Variants in QTMAN observed in about 807,000 individuals in gnomAD.
QTMAN encodes the protein tRNA-queuosine alpha-mannosyltransferase.
At chr2:144,257,152 A>G in the QTMAN span, among the ~76,000 whole-genome samples, 1 of 151,802 alleles carries the variant, frequency 6.6e-6, no homozygotes, top group Non-Finnish European at 1.5e-5. Flanking sequence ...ACACAGCCAT[A>G]ACCACAAACC....
chr2:144,215,797 G>A, the QTMAN span, among the ~76,000 whole-genome samples: 7 of 152,072 alleles, frequency 4.6e-5, no homozygotes, highest in Admixed American at 3.3e-4. Flanking sequence ...TTAAAGTATC[G>A]CATTGCCCTT....
chr2:144,071,359 T>C, the QTMAN span, among the ~76,000 whole-genome samples: 1 of 152,158 alleles, frequency 6.6e-6, no homozygotes, highest in Non-Finnish European at 1.5e-5. Context: ...GGTTTTTTTA[T>C]TGTGTAAATT....
the QTMAN span, among the ~76,000 whole-genome samples, chr2:144,088,500 C>G: frequency 2.0e-5 from 3 of 151,926 alleles, no homozygotes; most frequent in Admixed American, 6.6e-5. Context: ...TAAAAAAGAG[C>G]CTAAATAGCC....
chr2:143,979,621 T>C, the QTMAN span, among the ~76,000 whole-genome samples: 3 of 152,334 alleles, frequency 2.0e-5, no homozygotes, highest in East Asian at 5.8e-4. Flanking sequence ...AGCATATTTT[T>C]ACAATACCTT....
At chr2:144,025,641 C>T in the QTMAN span, among the ~76,000 whole-genome samples, 34 of 152,114 alleles carry the variant, frequency 2.2e-4, no homozygotes, top group South Asian at 4.1e-4. Flanking sequence ...CACCCAGATA[C>T]GGTCTTATCC....
the QTMAN span, chr2:144,208,610 G>A: frequency 6.2e-7 from 1 of 1,612,774 alleles, no homozygotes; most frequent in Middle Eastern, 1.7e-4. Context: ...TACCTGTAAT[G>A]CTCACTGATG....
chr2:144,031,964 T>C, the QTMAN span, among the ~76,000 whole-genome samples: 1 of 152,138 alleles, frequency 6.6e-6, no homozygotes. Context: ...TTTGTATTTT[T>C]AGTGGCGACG....
chr2:144,078,511 T>C, the QTMAN span, among the ~76,000 whole-genome samples: 1 of 152,212 alleles, frequency 6.6e-6, no homozygotes, highest in Non-Finnish European at 1.5e-5. Flanking sequence ...AGCAGAAAGA[T>C]ATGCATTTAA....
At chr2:144,037,752 C>G in the QTMAN span, among the ~76,000 whole-genome samples, 1 of 151,850 alleles carries the variant, frequency 6.6e-6, no homozygotes, top group Admixed American at 6.6e-5. Context: ...TCTTTAGATA[C>G]ATATAAATAT....
the QTMAN span, among the ~76,000 whole-genome samples, chr2:144,103,706 T>G: frequency 1.2e-4 from 18 of 152,142 alleles, no homozygotes; most frequent in Non-Finnish European, 2.5e-4. Flanking sequence ...TAGAAACAAT[T>G]TAGAAATGGT....
chr2:144,065,217 G>A, the QTMAN span, among the ~76,000 whole-genome samples: 1 of 152,124 alleles, frequency 6.6e-6, no homozygotes, highest in Non-Finnish European at 1.5e-5. Flanking sequence ...GATGTTCTCA[G>A]GTGTCAAATC....
the QTMAN span, among the ~76,000 whole-genome samples, chr2:144,201,596 T>C: frequency 5.9e-5 from 9 of 152,232 alleles, no homozygotes; most frequent in African/African-American, 2.2e-4. Context: ...AAGGGTTCAC[T>C]AAGTGCTTGC....
the QTMAN span, chr2:144,006,944 C>A: frequency 5.0e-6 from 2 of 398,066 alleles, no homozygotes; most frequent in East Asian, 8.2e-5. Context: ...CTACCCACTA[C>A]TGTTAGTTGA....
At chr2:144,185,854 A>G in the QTMAN span, among the ~76,000 whole-genome samples, 1 of 152,250 alleles carries the variant, frequency 6.6e-6, no homozygotes, top group South Asian at 2.1e-4. Context: ...ACAAAAATCA[A>G]TGAGCAGAAA....
chr2:143,999,173 T>C, the QTMAN span, among the ~76,000 whole-genome samples: 2 of 151,768 alleles, frequency 1.3e-5, no homozygotes, highest in Non-Finnish European at 2.9e-5. Context: ...ATGAAATGAG[T>C]AGGGCTAGGA....
At chr2:144,010,079 GAAA>G in the QTMAN span, among the ~76,000 whole-genome samples, 1 of 130,486 alleles carries the variant, frequency 7.7e-6, no homozygotes, top group East Asian at 2.3e-4. Context: ...AAAAAAAAAA[GAAA>G]AAAAAAATCT....
the QTMAN span, among the ~76,000 whole-genome samples, chr2:144,144,378 T>C: frequency 3.3e-5 from 5 of 151,788 alleles, no homozygotes; most frequent in Non-Finnish European, 5.9e-5. Flanking sequence ...AAGGAAAAAA[T>C]AGACTTAGTT....
the QTMAN span, among the ~76,000 whole-genome samples, chr2:144,278,495 T>C: frequency 6.6e-6 from 1 of 151,706 alleles, no homozygotes; most frequent in South Asian, 2.1e-4. Flanking sequence ...TTACATGTAG[T>C]CTCACTTAAT....
At chr2:144,296,316 A>C in the QTMAN span, among the ~76,000 whole-genome samples, 8 of 152,236 alleles carry the variant, frequency 5.3e-5, no homozygotes, top group Non-Finnish European at 8.8e-5. Flanking sequence ...ATAATTATTC[A>C]CTTTAGAAAA....
Sources: gnomAD v4.1 joint callset for allele counts (sites outside exome capture counted in the v4.1 genomes callset) on GRCh38, gnomAD v4.1.1 for gene constraint, MANE v1.5 for transcripts, NCBI Gene and HGNC (gene_info 2026-07-23, HGNC 2026-07-21) for gene names.